The following PLPPR1 variants were observed in gnomAD, a reference collection of about 807,000 sequenced individuals.
The protein encoded by PLPPR1 is phospholipid phosphatase related 1.
A neutral mutation model predicts 33.1 loss-of-function variants in PLPPR1; 10 were observed. The observed-to-expected ratio is 0.30, with a 90% CI of 0.19 to 0.51. The LOEUF (loss-of-function observed/expected upper bound fraction) is 0.51, where lower values mean the gene tolerates loss of function less well. Among genes scored for constraint, PLPPR1 ranks in the 20% least tolerant of loss-of-function variants. PLPPR1 has a pLI of 0.97. For synonymous variants in PLPPR1, 151 were observed against 151.0 expected (o/e 1.00, Z 0.00); for missense variants, 304 against 408.1 (o/e 0.74, Z 2.20).
intron 1 of PLPPR1, among the ~76,000 whole-genome samples, chr9:101,100,330 C>G (rs952065058): frequency 1.3e-5 from 2 of 151,984 alleles, no homozygotes; most frequent in African/African-American, 2.4e-5. Flanking sequence ...TTTGCAAAGG[C>G]AGGCTAATGA....
intron 1 of PLPPR1, among the ~76,000 whole-genome samples, chr9:101,120,509 G>A (rs1025974375): frequency 9.2e-5 from 14 of 152,186 alleles, no homozygotes; most frequent in African/African-American, 3.4e-4. Flanking sequence ...CTTTTTCAAT[G>A]ACTTATCCTT....
At chr9:101,149,412 A>G (rs77993688) in intron 1 of PLPPR1, among the ~76,000 whole-genome samples, 3,049 of 152,294 alleles carry the variant, frequency 0.02, 46 homozygotes, top group Middle Eastern at 0.061. Context: ...CCAGAACTCT[A>G]TAAGACCCCA....
intron 1 of PLPPR1, among the ~76,000 whole-genome samples, chr9:101,136,899 T>G (rs536580145): frequency 9.9e-5 from 15 of 152,280 alleles, no homozygotes; most frequent in Middle Eastern, 3.4e-3. Context: ...GATCAGGTAT[T>G]TGTTAGTACA....
chr9:101,193,886 G>A (rs1826344925), intron 2 of PLPPR1, among the ~76,000 whole-genome samples: 1 of 152,146 alleles, frequency 6.6e-6, no homozygotes. Context: ...ATTGGTCTCA[G>A]AGTCACATTC....
intron 1 of PLPPR1, among the ~76,000 whole-genome samples, chr9:101,037,269 G>A (rs540062164): frequency 6.6e-6 from 1 of 152,164 alleles, no homozygotes; most frequent in East Asian, 1.9e-4. Context: ...TGACATGATA[G>A]TCCATATTGT....
intron 1 of PLPPR1, among the ~76,000 whole-genome samples, chr9:101,070,540 C>T (rs16919781): frequency 0.049 from 7,526 of 152,064 alleles, 512 homozygotes; most frequent in East Asian, 0.25. Context: ...TTCATACAGA[C>T]GAGAAATGCT....
intron 7 of PLPPR1, among the ~76,000 whole-genome samples, chr9:101,320,523 A>G (rs1423155669): frequency 6.6e-6 from 1 of 152,228 alleles, no homozygotes; most frequent in South Asian, 2.1e-4. Flanking sequence ...ATCCACGGAA[A>G]GTAGAGATTT....
At chr9:101,260,586 G>T (rs115309754) in intron 2 of PLPPR1, among the ~76,000 whole-genome samples, 1 of 152,130 alleles carries the variant, frequency 6.6e-6, no homozygotes, top group Non-Finnish European at 1.5e-5. Flanking sequence ...GAGAATGGTC[G>T]TTGGATTTAC....
chr9:101,095,131 G>A lies in PLPPR1; in HGVS notation c.-46+66029G>A, dbSNP rs191402027. Among the ~76,000 whole-genome samples, 471 of 152,282 alleles carry A rather than the reference G, an allele frequency of 3.1e-3. 3 individuals carry two copies. Among genetic ancestry groups the A allele is most frequent in the Middle Eastern group, 0.01 (3 of 294 alleles). Reference sequence around the variant, plus strand: ...TTGTCTGTCCTGGAATGGTCCATTAGTACCATGTTTTCCAAGCTCAATAGT... The same window carrying A: ...TTGTCTGTCCTGGAATGGTCCATTAATACCATGTTTTCCAAGCTCAATAGT... On this transcript the variant is annotated intron_variant, in intron 1 of 7. Coordinates refer to ENST00000374874, the MANE Select transcript of PLPPR1 (RefSeq NM_207299.2).
intron 1 of PLPPR1, among the ~76,000 whole-genome samples, chr9:101,071,461 T>C (rs1046016330): frequency 6.6e-6 from 1 of 152,128 alleles, no homozygotes; most frequent in Non-Finnish European, 1.5e-5. Flanking sequence ...GAGTAAGTGG[T>C]AGTCATTCAA....
At chr9:101,260,091 A>G (rs1033817019) in intron 2 of PLPPR1, among the ~76,000 whole-genome samples, 2 of 152,090 alleles carry the variant, frequency 1.3e-5, no homozygotes, top group African/African-American at 4.8e-5. Flanking sequence ...CCTCCTTGCT[A>G]TAACCTCACT....
At chr9:101,200,281 T>C (rs1287384238) in intron 2 of PLPPR1, among the ~76,000 whole-genome samples, 3 of 152,130 alleles carry the variant, frequency 2.0e-5, no homozygotes, top group Non-Finnish European at 4.4e-5. Context: ...CAGTTGCCCA[T>C]AGTGATAACA....
intron 2 of PLPPR1, among the ~76,000 whole-genome samples, chr9:101,236,700 A>G (rs1180850209): frequency 6.6e-6 from 1 of 151,756 alleles, no homozygotes. Context: ...TGATCAAATC[A>G]GGATAATTAG....
intron 2 of PLPPR1, among the ~76,000 whole-genome samples, chr9:101,235,999 T>A (rs760895097): frequency 6.6e-6 from 1 of 151,840 alleles, no homozygotes; most frequent in Non-Finnish European, 1.5e-5. Flanking sequence ...TGTTACATTA[T>A]ATTTATATTT....
intron 1 of PLPPR1, among the ~76,000 whole-genome samples, chr9:101,088,056 G>C (rs543845303): frequency 9.2e-5 from 14 of 152,220 alleles, no homozygotes; most frequent in African/African-American, 3.1e-4. Flanking sequence ...AATTAGAAGA[G>C]GACCCTTACT....
intron 2 of PLPPR1, among the ~76,000 whole-genome samples, chr9:101,252,464 G>C (rs1366337918): frequency 6.6e-6 from 1 of 152,090 alleles, no homozygotes; most frequent in Admixed American, 6.6e-5. Context: ...ATTTATGCAG[G>C]ATCCTTAAAT....
chr9:101,087,945 T>A (rs1830698262), intron 1 of PLPPR1, among the ~76,000 whole-genome samples: 1 of 152,228 alleles, frequency 6.6e-6, no homozygotes, highest in African/African-American at 2.4e-5. Context: ...GATGTATCTC[T>A]GTCTCTCTGA....
intron 4 of PLPPR1, among the ~76,000 whole-genome samples, chr9:101,289,211 C>A (rs1031194133): frequency 6.6e-6 from 1 of 152,226 alleles, no homozygotes; most frequent in Non-Finnish European, 1.5e-5. Flanking sequence ...CCAAACCCTA[C>A]TCATCTTCAG....
rs764972807 is a variant in PLPPR1 at position 101,324,089 on chromosome 9, A to G, written c.*32A>G. On this transcript the variant is annotated 3_prime_UTR_variant, in exon 8 of 8. Transcript: ENST00000374874. ...TGATGTGTCACAAGCTGTTTTTTAAAATCATCTTCCAATTCTATACTTCAA... is the reference window on the plus strand; with the variant it reads ...TGATGTGTCACAAGCTGTTTTTTAAGATCATCTTCCAATTCTATACTTCAA... The G allele has an allele frequency of 2.5e-6, 4 of 1,591,714 alleles. No individual in the cohort carries two copies. Among genetic ancestry groups the G allele is most frequent in the Non-Finnish European group, 2.6e-6 (3 of 1,160,712 alleles).
Sources: allele counts gnomAD v4.1 joint callset (sites outside exome capture counted in the v4.1 genomes callset), GRCh38; gene constraint gnomAD v4.1.1; transcripts MANE v1.5; gene names NCBI Gene and HGNC (gene_info 2026-07-23, HGNC 2026-07-21).